Variants in PRUNE1 observed in about 807,000 individuals in gnomAD.
The protein encoded by PRUNE1 is prune exopolyphosphatase 1.
Under a neutral mutation model 42.5 loss-of-function variants are expected in PRUNE1, and 25 were observed. The observed-to-expected ratio is 0.59, with a 90% CI of 0.43 to 0.82. PRUNE1 has a LOEUF of 0.82. Ranked by LOEUF, PRUNE1 falls within the 40% of genes least tolerant of loss-of-function variation. The pLI is 0.00. For synonymous variants in PRUNE1, 203 were observed against 217.1 expected (o/e 0.93, Z 0.57); for missense variants, 443 against 539.3 (o/e 0.82, Z 1.77).
intron 1 of PRUNE1, among the ~76,000 whole-genome samples, chr1:151,009,195 G>C (rs985767460): frequency 2.0e-5 from 3 of 152,096 alleles, no homozygotes; most frequent in African/African-American, 7.2e-5. Flanking sequence ...CTCATTTCTA[G>C]GTTAGAAGTA....
intron 1 of PRUNE1, among the ~76,000 whole-genome samples, chr1:151,010,600 A>T (rs1024958374): frequency 1.3e-5 from 2 of 150,418 alleles, no homozygotes; most frequent in African/African-American, 4.9e-5. Flanking sequence ...AGAAAATTAG[A>T]CTCTAGGAAG....
At position 151,033,915 on chromosome 1, in the gene PRUNE1, G is replaced by C. The variant is rs749654622; in HGVS notation, c.1043G>C (p.Arg348Pro). 9.9e-6 allele frequency: 16 copies of C among 1,614,014 alleles called. No homozygotes were observed. Among genetic ancestry groups the C allele is most frequent in the Non-Finnish European group, 1.3e-5 (15 of 1,179,954 alleles). ...AYLQGNTQVS[R>P]KKLLPLLQEA... Reference sequence around the variant, plus strand: ...CTTCAAGGCAACACCCAGGTCTCTCGAAAGAAACTTCTGCCCCTGCTCCAG... The same window carrying C: ...CTTCAAGGCAACACCCAGGTCTCTCCAAAGAAACTTCTGCCCCTGCTCCAG... Residue 348 changes from arginine (R) to proline (P), a missense_variant, in exon 8 of 8, where the codon CGA becomes CCA. Coordinates refer to ENST00000271620, the MANE Select transcript of PRUNE1 (RefSeq NM_021222.3).
rs1674706475 is a variant in PRUNE1 at position 151,024,655 on chromosome 1, ATCG to A, written c.381_383del (p.His127_Arg128delinsGln). 1 of 1,613,330 alleles carries A rather than the reference ATCG, an allele frequency of 6.2e-7. No homozygotes were observed. The highest frequency in any genetic ancestry group is 8.5e-7 in the Non-Finnish European group (1 of 1,179,392). On this transcript the variant is annotated inframe_deletion, in exon 4 of 8. Coordinates refer to ENST00000271620, the MANE Select transcript of PRUNE1 (RefSeq NM_021222.3). ...GAGGCAGTAGCAGAGGTGCTAGACCATCGACCCATCGAGCCGAAACACTGCCCT... is the reference window on the plus strand; with the variant it reads ...GAGGCAGTAGCAGAGGTGCTAGACCAACCCATCGAGCCGAAACACTGCCCT...
intron 1 of PRUNE1, among the ~76,000 whole-genome samples, chr1:151,009,796 T>C (rs1310270492): frequency 6.6e-6 from 1 of 152,162 alleles, no homozygotes; most frequent in Non-Finnish European, 1.5e-5. Flanking sequence ...GAAAAACAAA[T>C]TTGGGGAGTT....
intron 4 of PRUNE1, 136 bp downstream of exon 4, chr1:151,024,931 T>C: frequency 3.2e-6 from 3 of 937,520 alleles, no homozygotes; most frequent in Non-Finnish European, 4.7e-6. Context: ...GATAGGATTC[T>C]TTCAGGGGAC....
intron 2 of PRUNE1, 191 bp from the exon 3 acceptor site, chr1:151,018,276 G>A: frequency 2.7e-6 from 2 of 752,386 alleles, no homozygotes; most frequent in Non-Finnish European, 4.8e-6. Flanking sequence ...GAGTTACCTT[G>A]TTGACTTTCA....
chr1:151,012,476 A>C (rs1673832517), intron 1 of PRUNE1, among the ~76,000 whole-genome samples: 1 of 152,186 alleles, frequency 6.6e-6, no homozygotes, highest in Non-Finnish European at 1.5e-5. Context: ...AGCCATGTTA[A>C]GGATCAGGGA....
At chr1:151,024,880 C>A (rs1674728313) in intron 4 of PRUNE1, 85 bp downstream of exon 4, 1 of 1,378,118 alleles carries the variant, frequency 7.3e-7, no homozygotes, top group Non-Finnish European at 9.9e-7. Context: ...ACGCTTCCAG[C>A]CTAACCATAT....
At chr1:151,009,023 C>T (rs1426072629) in intron 1 of PRUNE1, among the ~76,000 whole-genome samples, 2 of 152,036 alleles carry the variant, frequency 1.3e-5, no homozygotes, top group African/African-American at 4.8e-5. Flanking sequence ...AGCCTAGCCC[C>T]GCGAGGTGTG....
chr1:151,025,554 T>C lies in PRUNE1; in HGVS notation c.560T>C (p.Ile187Thr), dbSNP rs1674776381. ...GACTGTGTCAACATGGACCTTAAAATTGGAAAGGCAACCCCAAAGGACAGC... is the reference window on the plus strand; with the variant it reads ...GACTGTGTCAACATGGACCTTAAAACTGGAAAGGCAACCCCAAAGGACAGC... ...ILDCVNMDLK[I>T]GKATPKDSKY... The change falls in exon 5 of 8, where the codon ATT becomes ACT. Residue 187 changes from isoleucine (I) to threonine (T), a missense_variant. Transcript: ENST00000271620. The C allele has an allele frequency of 6.2e-7, 1 of 1,613,848 alleles. No homozygotes were observed. The highest frequency in any genetic ancestry group is 1.1e-5 in the South Asian group (1 of 91,076).
rs374433339 is a variant in PRUNE1, at chr1:151,027,288, C to G, written c.735C>G (p.Gly245=). ...ACCAGAAGACTATCTATAGACAAGG[C>G]GTCAAGGTGGCCATTAGTGCAATAT... is the stretch of plus-strand genomic sequence containing the variant. ...RKDQKTIYRQ[G]VKVAISAIYM... is the part of the protein sequence containing the mutation. Residue 245 remains glycine (G), a synonymous_variant, in exon 6 of 8, where the codon GGC becomes GGG. Transcript: ENST00000271620. 1 of 1,611,612 alleles carries G rather than the reference C, an allele frequency of 6.2e-7. No individual in the cohort carries two copies. The highest frequency in any genetic ancestry group is 1.7e-5 in the Admixed American group (1 of 59,986).
intron 7 of PRUNE1, among the ~76,000 whole-genome samples, chr1:151,032,666 A>G (rs1404089829): frequency 6.7e-6 from 1 of 148,212 alleles, no homozygotes; most frequent in Non-Finnish European, 1.5e-5. Flanking sequence ...CTGAACTGAG[A>G]TTGCACCACT....
At chr1:151,025,372 T>C in intron 4 of PRUNE1, 143 bp from the exon 5 acceptor site, 1 of 790,614 alleles carries the variant, frequency 1.3e-6, no homozygotes, top group Non-Finnish European at 1.9e-6. Context: ...ACACTGTCCA[T>C]CCCAGTTTCT....
intron 3 of PRUNE1, among the ~76,000 whole-genome samples, chr1:151,019,650 A>T: frequency 1.3e-5 from 2 of 148,764 alleles, no homozygotes; most frequent in Admixed American, 6.7e-5. Context: ...TTTACTTATT[A>T]TTTATTTTTG....
At position 151,025,513 on chromosome 1, in the gene PRUNE1, A is replaced by G. The variant is rs886039608; in HGVS notation, c.521-2A>G. On this transcript the variant is annotated splice_acceptor_variant, in intron 4 of 7. Transcript: ENST00000271620. LOFTEE classifies it high-confidence loss of function. ...AAGTTCCACCATCTCCCTTCTCCAC[A>G]GGAACCATCATCCTGGACTGTGTCA... 1.2e-6 allele frequency: 2 copies of G among 1,612,500 alleles called. No individual in the cohort carries two copies.
intron 3 of PRUNE1, among the ~76,000 whole-genome samples, chr1:151,019,500 G>T (rs1239055130): frequency 6.9e-6 from 1 of 145,818 alleles, no homozygotes; most frequent in Admixed American, 7.1e-5. Flanking sequence ...AATCTGCAGT[G>T]AGCCAAGATC....
In PRUNE1 at chr1:151,011,247, G is replaced by A. The variant is rs146060230; in HGVS notation, c.39+2576G>A. 5.3e-3 allele frequency among the ~76,000 whole-genome samples: 804 copies of A among 152,088 alleles called. 6 individuals are homozygous for A. The highest frequency in any genetic ancestry group is 0.018 in the African/African-American group (744 of 41,476). On this transcript the variant is annotated intron_variant, in intron 1 of 7. Transcript: ENST00000271620. ...AGCTGGTAATCCAGCCAAGTCTCCC[G>A]TTGCTACCATATTTTTAGTATTTGA...
At chr1:151,022,505 G>A (rs1412892987) in intron 3 of PRUNE1, among the ~76,000 whole-genome samples, 3 of 149,650 alleles carry the variant, frequency 2.0e-5, no homozygotes, top group Admixed American at 6.7e-5. Flanking sequence ...TGCAAGCTCC[G>A]CCTCCCGGGT....
intron 1 of PRUNE1, among the ~76,000 whole-genome samples, chr1:151,014,010 C>T (rs187386538): frequency 6.6e-6 from 1 of 150,724 alleles, no homozygotes; most frequent in South Asian, 2.1e-4. Flanking sequence ...GACAGAGTCT[C>T]GCTCGGTCAC....
Sources: gnomAD v4.1 joint callset for allele counts (sites outside exome capture counted in the v4.1 genomes callset) on GRCh38, gnomAD v4.1.1 for gene constraint, MANE v1.5 for transcripts, NCBI Gene and HGNC (gene_info 2026-07-23, HGNC 2026-07-21) for gene names.